Variants in TSC22D1 observed in about 807,000 individuals in gnomAD.
The protein encoded by TSC22D1 is TSC22 domain family member 1.
Under a neutral mutation model 74.2 loss-of-function variants are expected in TSC22D1, and 9 were observed. The ratio of observed to expected loss-of-function variants is 0.12; its 90% CI spans 0.07 to 0.21. The LOEUF (loss-of-function observed/expected upper bound fraction) is 0.21. Ranked by LOEUF, TSC22D1 falls within the 10% of genes least tolerant of loss-of-function variation. The pLI is 1.00. For missense variants in TSC22D1, 1,427 were observed against 1,304.7 expected, an observed-to-expected ratio of 1.09 and a Z score of -1.44; for synonymous variants, 586 against 492.5, an observed-to-expected ratio of 1.19 and a Z score of -2.51.
At chr13:44,530,905 G>A (rs533579284) in intron 1 of TSC22D1, among the ~76,000 whole-genome samples, 1 of 152,248 alleles carries the variant, frequency 6.6e-6, no homozygotes, top group East Asian at 1.9e-4. Context: ...AATGCAAAAT[G>A]GTAAAGTCAC....
At chr13:44,459,546 A>G (rs1876880378) in intron 1 of TSC22D1, among the ~76,000 whole-genome samples, 1 of 152,148 alleles carries the variant, frequency 6.6e-6, no homozygotes, top group South Asian at 2.1e-4. Flanking sequence ...GGACCTGCCG[A>G]GTGGTGGGAC....
At chr13:44,571,865 A>C (rs1397844395) in intron 1 of TSC22D1, among the ~76,000 whole-genome samples, 1 of 152,192 alleles carries the variant, frequency 6.6e-6, no homozygotes, top group Non-Finnish European at 1.5e-5. Flanking sequence ...AGATTTTATC[A>C]ATTTAACCAT....
chr13:44,498,831 G>A (rs1056034041), intron 1 of TSC22D1, among the ~76,000 whole-genome samples: 42 of 152,010 alleles, frequency 2.8e-4, no homozygotes, highest in Admixed American at 8.5e-4. Flanking sequence ...TTTCTGTTTA[G>A]TACTCCATCC....
chr13:44,514,755 G>A (rs1375848472), intron 1 of TSC22D1, among the ~76,000 whole-genome samples: 3 of 152,108 alleles, frequency 2.0e-5, no homozygotes, highest in East Asian at 1.9e-4. Context: ...AGCTACTCAG[G>A]AGGCTGACGC....
At position 44,575,974 on chromosome 13, in the gene TSC22D1, C is replaced by T. The variant is rs1342091457; in HGVS notation, c.101G>A (p.Gly34Asp). ...ATTGAGAGCAGAGGCGCTGCCACTA[C>T]CGCTGCCCCTTCGAGGGAACATTGC... Reference protein sequence around the residue: ...HPAMFPRRGSGSGSASALNAA... With the variant: ...HPAMFPRRGSDSGSASALNAA... The change falls in exon 1 of 3, where the codon GGT (glycine) becomes GAT (aspartate). Residue 34 changes from glycine (G) to aspartate (D), a missense_variant. Gly to Asp is a moderately conservative substitution (Grantham distance 94). Around this residue, in one of 3 missense-constraint regions of TSC22D1, gnomAD observed 1,343 missense variants for 1,191.5 expected, o/e 1.13. Transcript: ENST00000458659. The T allele has an allele frequency of 4.4e-6, 7 of 1,604,590 alleles. No homozygotes were observed. The highest frequency in any genetic ancestry group is 5.1e-6 in the Non-Finnish European group (6 of 1,175,626).
chr13:44,489,485 CAA>C (rs1213700727), intron 1 of TSC22D1, among the ~76,000 whole-genome samples: 1 of 151,410 alleles, frequency 6.6e-6, no homozygotes, highest in African/African-American at 2.4e-5. Context: ...AATATTAAGA[CAA>C]GTCCTAAAAT....
intron 1 of TSC22D1, among the ~76,000 whole-genome samples, chr13:44,446,826 A>AGAGGAGGAGGAG (rs1373089332): frequency 4.8e-5 from 5 of 104,412 alleles, no homozygotes; most frequent in Non-Finnish European, 1.1e-4. Context: ...AGGAGGAGGA[A>AGAGGAGGAGGAG]GAAGAGGAGG....
At chr13:44,472,953 A>G (rs1877692607) in intron 1 of TSC22D1, among the ~76,000 whole-genome samples, 1 of 152,188 alleles carries the variant, frequency 6.6e-6, no homozygotes, top group Non-Finnish European at 1.5e-5. Flanking sequence ...TTGGACTTGC[A>G]GTTCCACGTG....
intron 1 of TSC22D1, among the ~76,000 whole-genome samples, chr13:44,442,115 T>A (rs1257200921): frequency 6.6e-6 from 1 of 152,140 alleles, no homozygotes; most frequent in Non-Finnish European, 1.5e-5. Flanking sequence ...GAAAAATGAG[T>A]CCTAGACTGA....
At chr13:44,439,061 A>C (rs991862497) in intron 1 of TSC22D1, among the ~76,000 whole-genome samples, 1 of 152,256 alleles carries the variant, frequency 6.6e-6, no homozygotes, top group Non-Finnish European at 1.5e-5. Context: ...TCTTCAACAT[A>C]AACAGAAAGC....
At chr13:44,558,475 C>T (rs1882831588) in intron 1 of TSC22D1, among the ~76,000 whole-genome samples, 1 of 152,156 alleles carries the variant, frequency 6.6e-6, no homozygotes, top group African/African-American at 2.4e-5. Flanking sequence ...CGTGGTGGCT[C>T]ATGCCTGTAA....
At chr13:44,474,570 A>C (rs1269634067) in intron 1 of TSC22D1, among the ~76,000 whole-genome samples, 1 of 152,224 alleles carries the variant, frequency 6.6e-6, no homozygotes, top group Non-Finnish European at 1.5e-5. Flanking sequence ...TGATCCCAAA[A>C]TCAGGAAAAT....
At position 44,434,185 on chromosome 13, in the gene TSC22D1, A is replaced by C; in HGVS notation, c.*441T>G. ...ATTTTAGTCTTTTTACCCTCCTTTCAAGTTCCTCCTGGGGGGAGGAGAGGA... is the reference window on the plus strand; with the variant it reads ...ATTTTAGTCTTTTTACCCTCCTTTCCAGTTCCTCCTGGGGGGAGGAGAGGA... On this transcript the variant is annotated 3_prime_UTR_variant, in exon 3 of 3. Coordinates refer to ENST00000458659, the MANE Select transcript of TSC22D1 (RefSeq NM_183422.4). 6.8e-7 allele frequency: 1 copy of C among 1,464,502 alleles called. No homozygotes were observed. The highest frequency in any genetic ancestry group is 1.4e-5 in the South Asian group (1 of 71,820). The allele number at this position is 1,464,502 out of a possible 1,614,324, so 90.7% of individuals were successfully genotyped here.
chr13:44,446,781 A>G lies in TSC22D1; in HGVS notation c.2913-10686T>C, dbSNP rs201656567. Among the ~76,000 whole-genome samples, 335 of 48,650 alleles carry G rather than the reference A, an allele frequency of 6.9e-3. 1 individual carries two copies. Among genetic ancestry groups the G allele is most frequent in the South Asian group, 0.031 (52 of 1,654 alleles). 31.9% of individuals were successfully genotyped at this position (48,650 alleles called of 152,430 possible). On this transcript the variant is annotated intron_variant, in intron 1 of 2. Transcript: ENST00000458659. The stretch of plus-strand genomic sequence containing the variant: ...AAGAAGAAGAAGAGGAAGAAGAGGA[A>G]GAAGAGGAGGAGGAGGAGGAAAAGG...
chr13:44,536,882 C>T, intron 1 of TSC22D1: 3 of 970,922 alleles, frequency 3.1e-6, no homozygotes, highest in South Asian at 4.8e-5. Flanking sequence ...TCACTGGTGA[C>T]CCCCACGAAG....
At chr13:44,511,408 T>C (rs753987672) in intron 1 of TSC22D1, among the ~76,000 whole-genome samples, 5 of 152,210 alleles carry the variant, frequency 3.3e-5, no homozygotes, top group Non-Finnish European at 7.3e-5. Flanking sequence ...TACTTCTAAC[T>C]TATATTTGGG....
intron 1 of TSC22D1, among the ~76,000 whole-genome samples, chr13:44,453,585 A>G (rs1408799927): frequency 1.3e-5 from 2 of 152,250 alleles, no homozygotes; most frequent in Non-Finnish European, 2.9e-5. Flanking sequence ...ATGTTTAACA[A>G]ATGGCAGAGC....
chr13:44,574,985 A>C lies in TSC22D1; in HGVS notation c.1090T>G (p.Leu364Val). ...ATAGTACCATTGCCCATGCCACTCA[A>C]GATATTCACATTAACACCACTGGTA... ...GVTSGVNVNI[L>V]SGMGNGTISS... is the part of the protein sequence containing the mutation. The change falls in exon 1 of 3, where the codon TTG (leucine) becomes GTG (valine). Residue 364 changes from leucine (L) to valine (V), a missense_variant. By Grantham distance (32) the Leu-to-Val change is conservative (BLOSUM62 1). Around this residue, in one of 3 missense-constraint regions of TSC22D1, gnomAD observed 1,343 missense variants for 1,191.5 expected, o/e 1.13. Transcript: ENST00000458659. The C allele has an allele frequency of 6.2e-7, 1 of 1,614,128 alleles. No individual in the cohort carries two copies. Among genetic ancestry groups the C allele is most frequent in the Non-Finnish European group, 8.5e-7 (1 of 1,180,028 alleles).
Position 44,576,237 on chromosome 13 carries a change from C to G in TSC22D1, c.-163G>C, listed in dbSNP as rs1057330004. Reference sequence around the variant, plus strand: ...CAAAGGCGCCGGTCGCTCCTGCCTTCGAGAGCGAGCTTCGGAAAGGAGGAT... The same window carrying G: ...CAAAGGCGCCGGTCGCTCCTGCCTTGGAGAGCGAGCTTCGGAAAGGAGGAT... On this transcript the variant is annotated 5_prime_UTR_variant, in exon 1 of 3. Transcript: ENST00000458659. The G allele has an allele frequency of 2.9e-6, 3 of 1,032,962 alleles. No homozygotes were observed. Among genetic ancestry groups the G allele is most frequent in the Non-Finnish European group, 4.1e-6 (3 of 739,336 alleles). The allele number at this position is 1,032,962 out of a possible 1,614,324, so 64.0% of individuals were successfully genotyped here.
Sources: allele counts gnomAD v4.1 joint callset (sites outside exome capture counted in the v4.1 genomes callset), GRCh38; gene constraint gnomAD v4.1.1; regional missense constraint gnomAD v4.1.1; transcripts MANE v1.5; gene names NCBI Gene and HGNC (gene_info 2026-07-23, HGNC 2026-07-21).